MAP2K5: variants seen among roughly 807,000 people sequenced by gnomAD.
MAP2K5 encodes the protein dual specificity mitogen-activated protein kinase kinase 5.
In MAP2K5, 49 loss-of-function variants were observed where a neutral mutation model predicts 83.1. The observed-to-expected ratio is 0.59, with a 90% CI of 0.47 to 0.75. The LOEUF (loss-of-function observed/expected upper bound fraction) is 0.75, where lower values mean the gene tolerates loss of function less well. Ranked by LOEUF, MAP2K5 falls within the 30% of genes least tolerant of loss-of-function variation. The pLI is 0.00. For synonymous variants in MAP2K5, 202 were observed against 191.8 expected (o/e 1.05, Z -0.44); for missense variants, 457 against 557.5 (o/e 0.82, Z 1.82).
In MAP2K5 at chr15:67,775,300, C is replaced by G. The variant is rs965961381; in HGVS notation, c.1242+2548C>G. Reference sequence around the variant, plus strand: ...ATCCCCTCTACTTTGTATGGTTGTTCTTATGATGGTTTTCGGTCTTTATAT... The same window carrying G: ...ATCCCCTCTACTTTGTATGGTTGTTGTTATGATGGTTTTCGGTCTTTATAT... On this transcript the variant is annotated intron_variant, in intron 21 of 21. Coordinates refer to ENST00000178640, the MANE Select transcript of MAP2K5 (RefSeq NM_145160.3). This position sits in a 1 kb window ranked among gnomAD's most constrained non-coding sequence, Gnocchi z 5.3. Among the ~76,000 whole-genome samples, 2 of 152,114 alleles carry G rather than the reference C, an allele frequency of 1.3e-5. No individual in the cohort carries two copies. Among genetic ancestry groups the G allele is most frequent in the African/African-American group, 4.8e-5 (2 of 41,420 alleles).
intron 3 of MAP2K5, among the ~76,000 whole-genome samples, chr15:67,578,693 A>C (rs2140990412): frequency 6.6e-6 from 1 of 152,260 alleles, no homozygotes; most frequent in South Asian, 2.1e-4. Flanking sequence ...AATGATTATA[A>C]AAGTGTATAT....
chr15:67,762,567 A>C (rs1056697378), intron 19 of MAP2K5, among the ~76,000 whole-genome samples: 1 of 20,216 alleles, frequency 4.9e-5, no homozygotes, highest in African/African-American at 2.0e-4. Flanking sequence ...ATGACAGACA[A>C]AAAAAAAAAA....
At chr15:67,703,562 G>A (rs1225223042) in intron 16 of MAP2K5, among the ~76,000 whole-genome samples, 154 bp downstream of exon 16, 1 of 152,198 alleles carries the variant, frequency 6.6e-6, no homozygotes, top group African/African-American at 2.4e-5. Context: ...GATTCCTTGT[G>A]TGGCTTGTGA....
In MAP2K5 at chr15:67,561,135, GTTCAGAAC is replaced by G. The variant is rs1324818965; in HGVS notation, c.185-2143_185-2136del. On this transcript the variant is annotated intron_variant, in intron 2 of 21. Transcript: ENST00000178640. This position sits in a 1 kb window ranked among gnomAD's most constrained non-coding sequence, Gnocchi z 4.2. ...AGGCTGGAATTTGTTTTTATGCCAA[GTTCAGAAC>G]TTCATAAAGAACAAATCAGTTTAGC... 6.6e-6 allele frequency among the ~76,000 whole-genome samples: 1 copy of G among 152,156 alleles called. No homozygotes were observed. The highest frequency in any genetic ancestry group is 1.5e-5 in the Non-Finnish European group (1 of 68,022).
At chr15:67,679,965 T>C (rs995837618) in intron 13 of MAP2K5, 5 of 152,226 alleles carry the variant, frequency 3.3e-5, no homozygotes, top group Admixed American at 2.6e-4. Context: ...CTCATGTTCA[T>C]TGGCAATCAC....
intron 8 of MAP2K5, among the ~76,000 whole-genome samples, chr15:67,627,414 G>T (rs1471238512): frequency 6.6e-6 from 1 of 152,148 alleles, no homozygotes; most frequent in East Asian, 1.9e-4. Context: ...TTGAATTTCT[G>T]TATAATTAAT....
intron 8 of MAP2K5, among the ~76,000 whole-genome samples, chr15:67,622,169 A>ATGAAGGGAGAATGTGC (rs371708782): frequency 1.4e-5 from 2 of 148,104 alleles, no homozygotes; most frequent in Non-Finnish European, 3.0e-5. Context: ...AAAAAAGAAG[A>ATGAAGGGAGAATGTGC]TGAAGGGAGA....
At chr15:67,617,386 A>G (rs1051837345) in intron 8 of MAP2K5, among the ~76,000 whole-genome samples, 1 of 152,204 alleles carries the variant, frequency 6.6e-6, no homozygotes, top group Admixed American at 6.5e-5. Context: ...GTACCATAGA[A>G]AATAGATGCC....
intron 19 of MAP2K5, among the ~76,000 whole-genome samples, chr15:67,763,154 C>A (rs919718429): frequency 6.6e-6 from 1 of 152,062 alleles, no homozygotes; most frequent in Non-Finnish European, 1.5e-5. Flanking sequence ...ATCTGCCAGC[C>A]TTCCTAAGTT....
At position 67,747,667 on chromosome 15, in the gene MAP2K5, C is replaced by CT. The variant is rs1441776983; in HGVS notation, c.1075-563dup. ...GATTTTCCCAGAGAGCATTGCTGCC[C>CT]TGGAAACAGGCAGAAGGAACTTTGG... On this transcript the variant is annotated intron_variant, in intron 17 of 21. Coordinates refer to ENST00000178640, the MANE Select transcript of MAP2K5 (RefSeq NM_145160.3). The surrounding 1 kb of genome is among the most constrained non-coding windows in gnomAD (Gnocchi z 4.1). 6.6e-6 allele frequency among the ~76,000 whole-genome samples: 1 copy of CT among 152,142 alleles called. No homozygotes were observed. The highest frequency in any genetic ancestry group is 1.9e-4 in the East Asian group (1 of 5,204).
chr15:67,686,436 C>A (rs2087954456), intron 13 of MAP2K5, among the ~76,000 whole-genome samples: 1 of 151,592 alleles, frequency 6.6e-6, no homozygotes, highest in African/African-American at 2.4e-5. Flanking sequence ...GTGAAACCCC[C>A]GTCTCACTAA....
rs1420704666 is a variant in MAP2K5, at chr15:67,790,122, G to A, written c.1243-16524G>A. Among the ~76,000 whole-genome samples the A allele has an allele frequency of 6.6e-6, 1 of 152,140 alleles. No homozygotes were observed. Among genetic ancestry groups the A allele is most frequent in the Non-Finnish European group, 1.5e-5 (1 of 68,018 alleles). ...CTTTCTTCCACTCTTAAAAAAGCAG[G>A]CTTGGAAATTGCAAGGCAGAGCTGG... On this transcript the variant is annotated intron_variant, in intron 21 of 21. Transcript: ENST00000178640. This position sits in a 1 kb window ranked among gnomAD's most constrained non-coding sequence, Gnocchi z 4.6.
In MAP2K5 at chr15:67,597,097, A is replaced by G. The variant is rs574845194; in HGVS notation, c.481-3588A>G. On this transcript the variant is annotated intron_variant, in intron 7 of 21. Coordinates refer to ENST00000178640, the MANE Select transcript of MAP2K5 (RefSeq NM_145160.3). Reference sequence around the variant, plus strand: ...GGCAGGAGAATGGCGTGAACCCGGGAGGCGGAGCTTGCAGTGAGCCGAGAT... The same window carrying G: ...GGCAGGAGAATGGCGTGAACCCGGGGGGCGGAGCTTGCAGTGAGCCGAGAT... Among the ~76,000 whole-genome samples, 191 of 150,356 alleles carry G rather than the reference A, an allele frequency of 1.3e-3. 1 individual carries two copies. The highest frequency in any genetic ancestry group is 3.4e-3 in the Middle Eastern group (1 of 290).
rs947728934 is a variant in MAP2K5 at position 67,769,083 on chromosome 15, C to T, written c.1135-519C>T. ...AATTCCTTTTCAGGAAACAACTTCCCCTATAAAAGCCTTTCTATTAAAGTA... is the reference window on the plus strand; with the variant it reads ...AATTCCTTTTCAGGAAACAACTTCCTCTATAAAAGCCTTTCTATTAAAGTA... On this transcript the variant is annotated intron_variant, in intron 19 of 21. Transcript: ENST00000178640. This position sits in a 1 kb window ranked among gnomAD's most constrained non-coding sequence, Gnocchi z 5.2. Among the ~76,000 whole-genome samples, 5 of 137,114 alleles carry T rather than the reference C, an allele frequency of 3.6e-5. No homozygotes were observed. Among genetic ancestry groups the T allele is most frequent in the Non-Finnish European group, 6.2e-5 (4 of 64,322 alleles). 90.0% of individuals were successfully genotyped at this position (137,114 alleles called of 152,430 possible).
chr15:67,771,494 A>T (rs2090141447), intron 20 of MAP2K5, among the ~76,000 whole-genome samples: 1 of 152,234 alleles, frequency 6.6e-6, no homozygotes, highest in Admixed American at 6.5e-5. Context: ...AGGGAGGGAT[A>T]ACCTGCATTC....
intron 6 of MAP2K5, among the ~76,000 whole-genome samples, chr15:67,589,810 TGTG>T (rs2085360139): frequency 6.6e-6 from 1 of 151,778 alleles, no homozygotes; most frequent in African/African-American, 2.4e-5. Flanking sequence ...TGTGTGTGTG[TGTG>T]TGTATAAGAG....
At chr15:67,681,954 A>G (rs1486107538) in intron 13 of MAP2K5, among the ~76,000 whole-genome samples, 1 of 152,214 alleles carries the variant, frequency 6.6e-6, no homozygotes, top group Non-Finnish European at 1.5e-5. Context: ...TGCCATTTAT[A>G]ATCAATCACT....
intron 8 of MAP2K5, among the ~76,000 whole-genome samples, chr15:67,612,909 T>C (rs1034908244): frequency 5.3e-5 from 8 of 152,220 alleles, no homozygotes; most frequent in African/African-American, 1.9e-4. Flanking sequence ...TGATTTTGGC[T>C]GAAGCTGATA....
chr15:67,739,495 T>G, intron 17 of MAP2K5, among the ~76,000 whole-genome samples: 1 of 69,336 alleles, frequency 1.4e-5, no homozygotes, highest in Non-Finnish European at 2.7e-5. Context: ...TTTTTTTTTT[T>G]TTTGAGATGG....
Sources: allele counts gnomAD v4.1 joint callset (sites outside exome capture counted in the v4.1 genomes callset), GRCh38; gene constraint gnomAD v4.1.1; non-coding constraint Gnocchi (gnomAD v3.1); transcripts MANE v1.5; gene names NCBI Gene and HGNC (gene_info 2026-07-23, HGNC 2026-07-21).